The following LNX1 variants were observed in gnomAD, a reference collection of about 807,000 sequenced individuals.
LNX1 encodes the protein E3 ubiquitin-protein ligase LNX.
LNX1 carries 54 observed loss-of-function variants against 68.4 expected under a neutral mutation model. The ratio of observed to expected loss-of-function variants is 0.79; its 90% CI spans 0.63 to 0.99. The LOEUF (loss-of-function observed/expected upper bound fraction) is 0.99, where lower values mean the gene tolerates loss of function less well. Among genes scored for constraint, LNX1 ranks in the 50% least tolerant of loss-of-function variants. LNX1 has a pLI of 0.00. For missense variants in LNX1, 906 were observed against 926.4 expected (o/e 0.98, Z 0.29); for synonymous variants, 336 against 350.0 (o/e 0.96, Z 0.45).
chr4:53,465,651 G>GT (rs1722623727), intron 9 of LNX1, among the ~76,000 whole-genome samples: 2 of 152,178 alleles, frequency 1.3e-5, no homozygotes, highest in Admixed American at 1.3e-4. Context: ...AGCTAGTTGT[G>GT]TTTATTGCCA....
chr4:53,605,862 GAATCATGCTGC>G (rs756985376), intron 2 of LNX1, among the ~76,000 whole-genome samples: 40 of 152,238 alleles, frequency 2.6e-4, no homozygotes, highest in Non-Finnish European at 4.4e-4. Context: ...TGGCTATTAT[GAATCATGCTGC>G]AATCAACAAC....
intron 2 of LNX1, among the ~76,000 whole-genome samples, chr4:53,572,073 G>C (rs1441807124): frequency 2.6e-5 from 4 of 152,184 alleles, no homozygotes; most frequent in African/African-American, 9.7e-5. Context: ...GGTGAGGGTA[G>C]AGGAGCTCTT....
chr4:53,639,203 C>G (rs1734587457), intron 1 of LNX1, among the ~76,000 whole-genome samples: 1 of 152,158 alleles, frequency 6.6e-6, no homozygotes, highest in Non-Finnish European at 1.5e-5. Context: ...CAGCTGGAGG[C>G]CATTCTTCTC....
At chr4:53,506,033 A>G (rs1236867774) in intron 4 of LNX1, among the ~76,000 whole-genome samples, 2 of 152,232 alleles carry the variant, frequency 1.3e-5, no homozygotes, top group African/African-American at 2.4e-5. Flanking sequence ...AAGGTCTGAT[A>G]AGGCTGCTCA....
chr4:53,486,463 G>A, intron 6 of LNX1, among the ~76,000 whole-genome samples: 1 of 152,172 alleles, frequency 6.6e-6, no homozygotes, highest in East Asian at 1.9e-4. Context: ...TTAGCTTATT[G>A]GCAGCCTCCT....
At chr4:53,493,538 G>A (rs181935329) in intron 6 of LNX1, among the ~76,000 whole-genome samples, 4 of 152,304 alleles carry the variant, frequency 2.6e-5, no homozygotes, top group East Asian at 3.9e-4. Context: ...CCTCTTCCAC[G>A]AAGAGGGATA....
At chr4:53,544,490 G>A (rs561071201) in intron 2 of LNX1, among the ~76,000 whole-genome samples, 13 of 151,722 alleles carry the variant, frequency 8.6e-5, no homozygotes, top group Admixed American at 5.9e-4. Flanking sequence ...CACCATGTCC[G>A]GCCTGAGAGG....
intron 2 of LNX1, among the ~76,000 whole-genome samples, chr4:53,573,344 A>C (rs1418869888): frequency 6.6e-6 from 1 of 152,216 alleles, no homozygotes; most frequent in African/African-American, 2.4e-5. Context: ...ACATGAAAGT[A>C]CTTAATACCA....
intron 2 of LNX1, among the ~76,000 whole-genome samples, chr4:53,540,005 G>C (rs1233010874): frequency 1.3e-5 from 2 of 152,214 alleles, no homozygotes; most frequent in Non-Finnish European, 2.9e-5. Flanking sequence ...TGCTCCAGTT[G>C]TTTTTGCTCG....
At chr4:53,579,585 C>G (rs1731706392) in intron 1 of LNX1, among the ~76,000 whole-genome samples, 1 of 152,094 alleles carries the variant, frequency 6.6e-6, no homozygotes, top group South Asian at 2.1e-4. Context: ...CCAGTTGGTG[C>G]CGCCTGCAAC....
At chr4:53,491,942 C>T (rs1274758582) in intron 6 of LNX1, among the ~76,000 whole-genome samples, 6 of 151,916 alleles carry the variant, frequency 3.9e-5, no homozygotes, top group African/African-American at 1.5e-4. Context: ...CGTGCGCCCC[C>T]ACCCCTGGCT....
rs1230049662 is a variant in LNX1 at position 53,580,925 on chromosome 4, T to C, written c.-86-6837A>G. On this transcript the variant is annotated intron_variant, in intron 1 of 10. Coordinates refer to ENST00000263925, the MANE Select transcript of LNX1 (RefSeq NM_001126328.3). ...AAATGAAAACCATTTAAACAAATGA[T>C]AAATCAGACATAATTTTTCCAACCC... Among the ~76,000 whole-genome samples, 5 of 152,156 alleles carry C rather than the reference T, an allele frequency of 3.3e-5. No individual in the cohort carries two copies. In the East Asian group the frequency reaches 7.7e-4, roughly 23 times the overall value.
At chr4:53,539,997 C>T (rs1728639118) in intron 2 of LNX1, among the ~76,000 whole-genome samples, 6 of 152,216 alleles carry the variant, frequency 3.9e-5, no homozygotes, top group Admixed American at 3.3e-4. Flanking sequence ...TTTTCAGTTG[C>T]TCCAGTTGTT....
upstream of LNX1, among the ~76,000 whole-genome samples, chr4:53,620,593 G>A (rs1459511764): frequency 6.6e-6 from 1 of 152,176 alleles, no homozygotes; most frequent in Non-Finnish European, 1.5e-5. Context: ...GTTGCTTGAT[G>A]GGTACAACGT....
intron 1 of LNX1, among the ~76,000 whole-genome samples, chr4:53,586,890 G>C (rs1231209318): frequency 6.6e-6 from 1 of 152,180 alleles, no homozygotes; most frequent in Non-Finnish European, 1.5e-5. Context: ...TATTCAACAT[G>C]TTTTTTCATT....
intron 2 of LNX1, among the ~76,000 whole-genome samples, chr4:53,561,307 A>C (rs1730269060): frequency 6.6e-6 from 1 of 152,080 alleles, no homozygotes; most frequent in Non-Finnish European, 1.5e-5. Context: ...GACTCATTGC[A>C]ACCTCCGCCT....
At chr4:53,588,159 C>G (rs1343837836) in intron 1 of LNX1, among the ~76,000 whole-genome samples, 1 of 152,132 alleles carries the variant, frequency 6.6e-6, no homozygotes, top group African/African-American at 2.4e-5. Flanking sequence ...TTATTCCTCC[C>G]AACAGCTCTG....
intron 2 of LNX1, among the ~76,000 whole-genome samples, chr4:53,611,321 G>T (rs1345129639): frequency 6.6e-6 from 1 of 152,088 alleles, no homozygotes; most frequent in African/African-American, 2.4e-5. Context: ...TATGCAAAAG[G>T]AGAAATGAAG....
chr4:53,482,414 C>T (rs957960746), intron 6 of LNX1, among the ~76,000 whole-genome samples: 4 of 152,108 alleles, frequency 2.6e-5, no homozygotes, highest in African/African-American at 7.2e-5. Context: ...AATCAAAATC[C>T]TTTACCTTCA....
Sources: gnomAD v4.1 joint callset for allele counts (sites outside exome capture counted in the v4.1 genomes callset) on GRCh38, gnomAD v4.1.1 for gene constraint, MANE v1.5 for transcripts, NCBI Gene and HGNC (gene_info 2026-07-23, HGNC 2026-07-21) for gene names.